CCSER1: variants seen among roughly 807,000 people sequenced by gnomAD.
The protein encoded by CCSER1 is coiled-coil serine rich protein 1, also known as serine-rich coiled-coil domain-containing protein 1.
Under a neutral mutation model 82.0 loss-of-function variants are expected in CCSER1, and 41 were observed. That is an observed-to-expected ratio of 0.50 (90% CI 0.39 to 0.65). CCSER1 has a LOEUF of 0.65. Ranked by LOEUF, CCSER1 falls within the 30% of genes least tolerant of loss-of-function variation. CCSER1 has a pLI of 0.00. For synonymous variants in CCSER1, 414 were observed against 383.9 expected (o/e 1.08, Z -0.92); for missense variants, 1,119 against 1,064.2 (o/e 1.05, Z -0.72).
At position 90,839,475 on chromosome 4, in the gene CCSER1, C is replaced by A. The variant is rs1169556359; in HGVS notation, c.2094+23630C>A. Among the ~76,000 whole-genome samples, 5 of 152,172 alleles carry A rather than the reference C, an allele frequency of 3.3e-5. No individual in the cohort carries two copies. In the East Asian group the frequency reaches 9.6e-4, roughly 29 times the overall value. ...ATGTGTTACATCTATAGAGCATATGCCAACTGAACTTGCTACAGCTTCATT... is the reference window on the plus strand; with the variant it reads ...ATGTGTTACATCTATAGAGCATATGACAACTGAACTTGCTACAGCTTCATT... On this transcript the variant is annotated intron_variant, in intron 8 of 10. Coordinates refer to ENST00000509176, the MANE Select transcript of CCSER1 (RefSeq NM_001145065.2).
intron 8 of CCSER1, among the ~76,000 whole-genome samples, chr4:90,880,677 G>A (rs1002999287): frequency 1.1e-4 from 17 of 152,166 alleles, no homozygotes; most frequent in African/African-American, 3.6e-4. Flanking sequence ...CAGAGGAACT[G>A]TCTGGTGAGG....
chr4:90,645,026 G>T (rs1434068386), intron 6 of CCSER1, among the ~76,000 whole-genome samples: 1 of 150,776 alleles, frequency 6.6e-6, no homozygotes, highest in African/African-American at 2.4e-5. Context: ...AGGTTGCAGT[G>T]AGCCGAGATC....
Position 91,148,729 on chromosome 4 carries a change from G to C in CCSER1, c.2217+62735G>C, listed in dbSNP as rs572740334. On this transcript the variant is annotated intron_variant, in intron 10 of 10. Coordinates refer to ENST00000509176, the MANE Select transcript of CCSER1 (RefSeq NM_001145065.2). ...AAATCCCACCTATGAGTGAGAACAT[G>C]TGGTGTTTGGTTTTCTATTCTTACG... Among the ~76,000 whole-genome samples the C allele has an allele frequency of 3.3e-5, 5 of 152,244 alleles. No individual in the cohort carries two copies. The South Asian group carries it at 1.0e-3, about 32-fold the overall frequency.
intron 10 of CCSER1, among the ~76,000 whole-genome samples, chr4:91,121,524 G>GC (rs1478411873): frequency 6.6e-6 from 1 of 151,568 alleles, no homozygotes; most frequent in Non-Finnish European, 1.5e-5. Context: ...TTGAGGTAAT[G>GC]CCCAATGTAA....
At chr4:91,052,292 G>A (rs899712765) in intron 9 of CCSER1, among the ~76,000 whole-genome samples, 7 of 151,824 alleles carry the variant, frequency 4.6e-5, no homozygotes, top group Non-Finnish European at 7.4e-5. Flanking sequence ...TGAGTGCCTC[G>A]GATATCAGGA....
At chr4:90,831,651 G>C (rs1761125632) in intron 8 of CCSER1, among the ~76,000 whole-genome samples, 1 of 152,082 alleles carries the variant, frequency 6.6e-6, no homozygotes, top group Non-Finnish European at 1.5e-5. Context: ...TTTCATCCTT[G>C]AAACTTTACG....
chr4:90,396,027 G>T (rs1249882057), intron 3 of CCSER1, among the ~76,000 whole-genome samples: 1 of 152,098 alleles, frequency 6.6e-6, no homozygotes, highest in East Asian at 1.9e-4. Flanking sequence ...GTTGCAGTGA[G>T]CCAAGATCGC....
At chr4:91,366,998 G>A (rs1293264884) in intron 10 of CCSER1, among the ~76,000 whole-genome samples, 1 of 151,692 alleles carries the variant, frequency 6.6e-6, no homozygotes, top group Non-Finnish European at 1.5e-5. Flanking sequence ...TTTTTAAAAA[G>A]TCAAAATATT....
In CCSER1 at chr4:90,335,223, G is replaced by A. The variant is rs148040965; in HGVS notation, c.1509+22176G>A. Among the ~76,000 whole-genome samples the A allele has an allele frequency of 6.6e-5, 10 of 152,258 alleles. No homozygotes were observed. In the East Asian group the frequency reaches 7.7e-4, roughly 12 times the overall value. The stretch of plus-strand genomic sequence containing the variant: ...CAAGATTATTTTCTAATTAAAATAC[G>A]TCATGGCAAAGAAAGAATAATTAGG... On this transcript the variant is annotated intron_variant, in intron 3 of 10. Coordinates refer to ENST00000509176, the MANE Select transcript of CCSER1 (RefSeq NM_001145065.2).
At chr4:91,096,583 G>C (rs758922325) in intron 10 of CCSER1, among the ~76,000 whole-genome samples, 17 of 152,168 alleles carry the variant, frequency 1.1e-4, no homozygotes, top group Non-Finnish European at 2.1e-4. Flanking sequence ...CCAGAGACCT[G>C]TCCAGGCTTC....
At chr4:90,672,718 A>G (rs1295745193) in intron 6 of CCSER1, among the ~76,000 whole-genome samples, 1 of 152,038 alleles carries the variant, frequency 6.6e-6, no homozygotes, top group Non-Finnish European at 1.5e-5. Context: ...CATTTGTAGC[A>G]TTTAATTTAG....
chr4:90,352,835 A>G (rs1473192208), intron 3 of CCSER1, among the ~76,000 whole-genome samples: 1 of 152,172 alleles, frequency 6.6e-6, no homozygotes, highest in South Asian at 2.1e-4. Flanking sequence ...TTAGTAAAGT[A>G]TACTATTTTT....
chr4:91,558,095 C>A (rs983389963), intron 10 of CCSER1, among the ~76,000 whole-genome samples: 3 of 78,956 alleles, frequency 3.8e-5, no homozygotes, highest in South Asian at 3.4e-4. Flanking sequence ...TTAATAATTA[C>A]CTTTTAATAA....
At chr4:90,151,890 A>G (rs1451825877) in intron 1 of CCSER1, among the ~76,000 whole-genome samples, 2 of 152,184 alleles carry the variant, frequency 1.3e-5, no homozygotes, top group African/African-American at 4.8e-5. Flanking sequence ...GGAAGTAGCT[A>G]TGATAAATGT....
At chr4:91,066,886 C>T (rs1720870602) in intron 9 of CCSER1, among the ~76,000 whole-genome samples, 1 of 152,190 alleles carries the variant, frequency 6.6e-6, no homozygotes, top group Non-Finnish European at 1.5e-5. Context: ...CCCTGTCCCG[C>T]TGGGCGTGGT....
intron 10 of CCSER1, among the ~76,000 whole-genome samples, chr4:91,410,181 G>A (rs1041230860): frequency 2.6e-5 from 4 of 152,126 alleles, no homozygotes; most frequent in African/African-American, 9.7e-5. Flanking sequence ...CAAAAGCTTT[G>A]TAAGCAATTT....
At chr4:90,803,921 G>C (rs1018321249) in intron 7 of CCSER1, among the ~76,000 whole-genome samples, 4 of 152,146 alleles carry the variant, frequency 2.6e-5, no homozygotes, top group African/African-American at 9.7e-5. Flanking sequence ...GCGTGAGATG[G>C]TGTCTCATTG....
chr4:90,794,408 A>G (rs983576546), intron 7 of CCSER1, among the ~76,000 whole-genome samples: 1 of 152,160 alleles, frequency 6.6e-6, no homozygotes, highest in East Asian at 1.9e-4. Context: ...AGCACCATTT[A>G]TTGAATAAGG....
rs185943749 is a variant in CCSER1 at position 91,266,905 on chromosome 4, T to G, written c.2217+180911T>G. Among the ~76,000 whole-genome samples, 332 of 152,294 alleles carry G rather than the reference T, an allele frequency of 2.2e-3. 2 individuals are homozygous for G. Among genetic ancestry groups the G allele is most frequent in the East Asian group, 0.011 (55 of 5,174 alleles). The stretch of plus-strand genomic sequence containing the variant: ...TACTTTTGAACCATTTCACTTTCAG[T>G]TTCACGTTTTTTTCCTGCTCCTGAA... On this transcript the variant is annotated intron_variant, in intron 10 of 10. Coordinates refer to ENST00000509176, the MANE Select transcript of CCSER1 (RefSeq NM_001145065.2).
Sources: allele counts gnomAD v4.1 joint callset (sites outside exome capture counted in the v4.1 genomes callset), GRCh38; gene constraint gnomAD v4.1.1; transcripts MANE v1.5; gene names NCBI Gene and HGNC (gene_info 2026-07-23, HGNC 2026-07-21).